Variants in BSN observed in about 807,000 individuals in gnomAD.
BSN encodes the protein bassoon presynaptic cytomatrix protein, also known as protein bassoon.
A neutral mutation model predicts 264.8 loss-of-function variants in BSN; 57 were observed. That is an observed-to-expected ratio of 0.22 (90% CI 0.17 to 0.27). The LOEUF (loss-of-function observed/expected upper bound fraction) is 0.27, where lower values mean the gene tolerates loss of function less well. BSN is among the 10% of genes least tolerant of loss of function. BSN has a pLI of 1.00. For synonymous variants in BSN, 2,059 were observed against 2,137.3 expected, an observed-to-expected ratio of 0.96 and a Z score of 1.01; for missense variants, 4,615 against 5,232.5, an observed-to-expected ratio of 0.88 and a Z score of 3.64.
At chr3:49,663,726 A>G (rs2052686733) in intron 7 of BSN, 60 bp downstream of exon 7, 2 of 1,610,156 alleles carry the variant, frequency 1.2e-6, no homozygotes, top group Non-Finnish European at 8.5e-7. Context: ...TGAAGCTTGG[A>G]CATCCCCTTG....
intron 1 of BSN, among the ~76,000 whole-genome samples, chr3:49,605,343 T>C (rs1575434938): frequency 1.1e-5 from 1 of 87,366 alleles, no homozygotes; most frequent in Non-Finnish European, 2.1e-5. Context: ...ATATATATAA[T>C]ATATAAATAT....
chr3:49,561,677 G>A (rs1039225188), intron 1 of BSN, among the ~76,000 whole-genome samples: 3 of 152,156 alleles, frequency 2.0e-5, no homozygotes, highest in Non-Finnish European at 4.4e-5. Context: ...ACATAGTCAT[G>A]ACTTAACATA....
In BSN at chr3:49,554,755, A is replaced by C. The variant is rs1034532128; in HGVS notation, c.153A>C (p.Ala51=). The C allele has an allele frequency of 2.1e-5, 26 of 1,212,398 alleles. No homozygotes were observed. Among genetic ancestry groups the C allele is most frequent in the African/African-American group, 1.3e-4 (8 of 63,044 alleles). The allele number at this position is 1,212,398 out of a possible 1,614,324, so 75.1% of individuals were successfully genotyped here. ...GCGGACAGCTCCCCGCGGCGGGAGC[A>C]GCGCGGTCGACCGCGGTACCACCGG... ...AGGGQLPAAG[A]ARSTAVPPVP... Residue 51 remains alanine, a synonymous_variant, in exon 1 of 12, where the codon GCA becomes GCC. Coordinates refer to ENST00000296452, the MANE Select transcript of BSN (RefSeq NM_003458.4).
chr3:49,654,006 TC>T lies in BSN; in HGVS notation c.4455del (p.Ser1486GlnfsTer45). On this transcript the variant is annotated frameshift_variant, in exon 5 of 12. Coordinates refer to ENST00000296452, the MANE Select transcript of BSN (RefSeq NM_003458.4). LOFTEE classifies it high-confidence loss of function. This position sits in a 1 kb window ranked among gnomAD's most constrained non-coding sequence, Gnocchi z 4.1. ...ASSSPPLSPS[S>X]PSESPTFSPG... ...CTCCAGCCCACCTCTCTCCCCGTCT[TC>T]CCCCTCAGAGAGTCCCACATTCTCC... 1 of 1,613,470 alleles carries T rather than the reference TC, an allele frequency of 6.2e-7. No homozygotes were observed. The highest frequency in any genetic ancestry group is 8.5e-7 in the Non-Finnish European group (1 of 1,179,884).
chr3:49,605,991 AATAT>A (rs1443492215), intron 1 of BSN, among the ~76,000 whole-genome samples: 1 of 92,510 alleles, frequency 1.1e-5, no homozygotes, highest in African/African-American at 4.4e-5. Flanking sequence ...ATAAATAAAA[AATAT>A]ATATTTATAT....
chr3:49,655,398 G>A lies in BSN; in HGVS notation c.5842G>A (p.Glu1948Lys), dbSNP rs2052590042. 6.4e-7 allele frequency: 1 copy of A among 1,572,264 alleles called. No homozygotes were observed. The highest frequency in any genetic ancestry group is 8.6e-7 in the Non-Finnish European group (1 of 1,158,808). ...SSPFYGPRDPEPPEPPTYRAQ... is the reference protein window; with the variant it reads ...SSPFYGPRDPKPPEPPTYRAQ... ...CCCCTTCTATGGTCCCCGGGACCCT[G>A]AGCCTCCTGAGCCCCCAACCTACCG... Residue 1948 changes from glutamate (E) to lysine (K), a missense_variant, in exon 5 of 12, where the codon GAG becomes AAG. Coordinates refer to ENST00000296452, the MANE Select transcript of BSN (RefSeq NM_003458.4).
Position 49,554,577 on chromosome 3 carries a change from C to T in BSN, c.-26C>T. On this transcript the variant is annotated 5_prime_UTR_variant, in exon 1 of 12. Transcript: ENST00000296452. Reference sequence around the variant, plus strand: ...CGCCGGCCCGGGCGCAGCGCGACCCCGACCCCGCCCGCCCGCCTGCCCGCC... The same window carrying T: ...CGCCGGCCCGGGCGCAGCGCGACCCTGACCCCGCCCGCCCGCCTGCCCGCC... 2 of 939,198 alleles carry T rather than the reference C, an allele frequency of 2.1e-6. No individual in the cohort carries two copies. Among genetic ancestry groups the T allele is most frequent in the Non-Finnish European group, 2.5e-6 (2 of 787,880 alleles). The allele number at this position is 939,198 out of a possible 1,614,324, so 58.2% of individuals were successfully genotyped here. A position where few individuals can be genotyped will look rare whatever the true frequency, so the allele number is the denominator to read the frequency against.
intron 1 of BSN, among the ~76,000 whole-genome samples, chr3:49,601,721 C>T (rs1227419864): frequency 6.6e-6 from 1 of 152,204 alleles, no homozygotes; most frequent in African/African-American, 2.4e-5. Flanking sequence ...CTCAGAATGA[C>T]ACCAGAACAG....
rs771817999 is a variant in BSN at position 49,654,930 on chromosome 3, G to A, written c.5374G>A (p.Gly1792Arg). Residue 1792 changes from glycine to arginine, a missense_variant, in exon 5 of 12, where the codon GGA becomes AGA. Gly to Arg is a moderately radical substitution (Grantham distance 125). Around this residue, in one of 3 missense-constraint regions of BSN, gnomAD observed 3,415 missense variants for 3,866.4 expected, o/e 0.88. Coordinates refer to ENST00000296452, the MANE Select transcript of BSN (RefSeq NM_003458.4). The surrounding 1 kb of genome is among the most constrained non-coding windows in gnomAD (Gnocchi z 4.1). ...AGCCCCATACCGAAGTGGGCCCCGG[G>A]GAAGACCCAGGGAGGCCAAGTTTGC... ...QTAPYRSGPR[G>R]RPREAKFARY... The A allele has an allele frequency of 4.3e-6, 7 of 1,611,650 alleles. No homozygotes were observed. Among genetic ancestry groups the A allele is most frequent in the Non-Finnish European group, 5.9e-6 (7 of 1,178,782 alleles).
At chr3:49,634,315 G>T (rs1336494494) in intron 2 of BSN, among the ~76,000 whole-genome samples, 1 of 152,142 alleles carries the variant, frequency 6.6e-6, no homozygotes, top group Non-Finnish European at 1.5e-5. Context: ...GGTGATGGTT[G>T]TACAGCATTA....
intron 5 of BSN, among the ~76,000 whole-genome samples, chr3:49,659,857 G>T (rs6772424): frequency 0.012 from 1,763 of 152,278 alleles, 38 homozygotes; most frequent in African/African-American, 0.039. Flanking sequence ...ACAGCCCAGA[G>T]GGTTTGGCAG....
rs751066564 is a variant in BSN, at chr3:49,656,304, C to T, written c.6748C>T (p.Arg2250Trp). The T allele has an allele frequency of 2.1e-5, 34 of 1,613,064 alleles. No homozygotes were observed. The highest frequency in any genetic ancestry group is 1.6e-4 in the Middle Eastern group (1 of 6,084). The change falls in exon 5 of 12, where the codon CGG (arginine) becomes TGG (tryptophan). Residue 2250 changes from arginine (R) to tryptophan (W), a missense_variant. Coordinates refer to ENST00000296452, the MANE Select transcript of BSN (RefSeq NM_003458.4). The part of the protein sequence containing the change: ...SLTRVPMIAP[R>W]VPLGPTGLYR... ...GACACGTGTGCCCATGATTGCCCCC[C>T]GGGTACCTCTTGGACCCACAGGGCT... is the stretch of plus-strand genomic sequence containing the variant.
intron 1 of BSN, among the ~76,000 whole-genome samples, chr3:49,567,177 A>AGACTTCCTTCTGGTTCCCTTTGCACTTAG (rs2051758789): frequency 6.6e-6 from 1 of 152,170 alleles, no homozygotes; most frequent in Admixed American, 6.5e-5. Context: ...ATGTAGTTTA[A>AGACTTCCTTCTGGTTCCCTTTGCACTTAG]GACTTCCTTC....
chr3:49,653,638 C>A lies in BSN; in HGVS notation c.4082C>A (p.Ala1361Asp), dbSNP rs1235640337. Residue 1361 changes from alanine to aspartate, a missense_variant, in exon 5 of 12, where the codon GCC (alanine) becomes GAC (aspartate). Physicochemically the swap from Ala to Asp is moderately radical, Grantham distance 126 (BLOSUM62 -2). Coordinates refer to ENST00000296452, the MANE Select transcript of BSN (RefSeq NM_003458.4). This position sits in a 1 kb window ranked among gnomAD's most constrained non-coding sequence, Gnocchi z 6.3. The stretch of plus-strand genomic sequence containing the variant: ...CCCCTCAAGCTGCACAGCTCTCCTG[C>A]CTCCCCCAGCTCAGCCTCCAAGGAG... ...QDPLKLHSSP[A>D]SPSSASKEIG... is the part of the protein sequence containing the mutation. 6.2e-7 allele frequency: 1 copy of A among 1,613,680 alleles called. No individual in the cohort carries two copies. Among genetic ancestry groups the A allele is most frequent in the East Asian group, 2.2e-5 (1 of 44,864 alleles).
intron 2 of BSN, among the ~76,000 whole-genome samples, chr3:49,630,028 C>A (rs576505761): frequency 6.6e-6 from 1 of 152,208 alleles, no homozygotes; most frequent in East Asian, 1.9e-4. Context: ...TGGCTCCGAG[C>A]CTCTCTCTCC....
In BSN at chr3:49,642,235, C is replaced by T. The variant is rs1341797541; in HGVS notation, c.634-33C>T. On this transcript the variant is annotated intron_variant, in intron 2 of 11. Coordinates refer to ENST00000296452, the MANE Select transcript of BSN (RefSeq NM_003458.4). The surrounding 1 kb of genome is among the most constrained non-coding windows in gnomAD (Gnocchi z 7.0). ...GGGCCATGAGTACTGCCAATCCTGGCCACCCTGCTGACTATTTTGCTTTTC... is the reference window on the plus strand; with the variant it reads ...GGGCCATGAGTACTGCCAATCCTGGTCACCCTGCTGACTATTTTGCTTTTC... 3 of 1,482,712 alleles carry T rather than the reference C, an allele frequency of 2.0e-6. No individual in the cohort carries two copies. Among genetic ancestry groups the T allele is most frequent in the Non-Finnish European group, 2.7e-6 (3 of 1,112,884 alleles). 91.8% of individuals were successfully genotyped at this position (1,482,712 alleles called of 1,614,324 possible). A position where few individuals can be genotyped will look rare whatever the true frequency, so the allele number is the denominator to read the frequency against.
chr3:49,584,974 C>CT (rs962257035), intron 1 of BSN, among the ~76,000 whole-genome samples: 1 of 152,138 alleles, frequency 6.6e-6, no homozygotes, highest in African/African-American at 2.4e-5. Context: ...GTATCTCATT[C>CT]TTTTTTTATG....
chr3:49,554,906 G>T (rs917899041), intron 1 of BSN, 80 bp downstream of exon 1: 64 of 883,338 alleles, frequency 7.2e-5, no homozygotes, highest in Non-Finnish European at 2.9e-5. Flanking sequence ...CCGCGATCTA[G>T]TGTGGACAGC....
intron 11 of BSN, among the ~76,000 whole-genome samples, chr3:49,666,476 A>G (rs1285846216): frequency 6.6e-6 from 1 of 152,256 alleles, no homozygotes; most frequent in Non-Finnish European, 1.5e-5. Context: ...CCATTAAAGG[A>G]GATAGAGAAT....
Sources: allele counts gnomAD v4.1 joint callset (sites outside exome capture counted in the v4.1 genomes callset), GRCh38; gene constraint gnomAD v4.1.1; regional missense constraint gnomAD v4.1.1; non-coding constraint Gnocchi (gnomAD v3.1); transcripts MANE v1.5; gene names NCBI Gene and HGNC (gene_info 2026-07-23, HGNC 2026-07-21).